SRSF10: variants seen among roughly 807,000 people sequenced by gnomAD.
SRSF10 encodes serine and arginine rich splicing factor 10.
SRSF10 carries 9 observed loss-of-function variants against 32.6 expected under a neutral mutation model. The observed-to-expected ratio is 0.28, with a 90% CI of 0.17 to 0.48. The LOEUF (loss-of-function observed/expected upper bound fraction) is 0.48, where lower values mean the gene tolerates loss of function less well. SRSF10 is among the 20% of genes least tolerant of loss of function. SRSF10 has a pLI of 0.99. For missense variants in SRSF10, 201 were observed against 331.8 expected (o/e 0.61, Z 3.06); for synonymous variants, 105 against 112.4 (o/e 0.93, Z 0.42).
intron 3 of SRSF10, among the ~76,000 whole-genome samples, chr1:23,972,970 C>T (rs1641863409): frequency 6.6e-6 from 1 of 151,958 alleles, no homozygotes; most frequent in African/African-American, 2.4e-5. Context: ...GAACTCCTGA[C>T]CTCAGGTGAT....
intron 2 of SRSF10, 99 bp downstream of exon 2, chr1:23,978,614 G>T: frequency 7.2e-7 from 1 of 1,398,560 alleles, no homozygotes; most frequent in South Asian, 1.8e-5. Context: ...ACATTTATTA[G>T]AGGACAAAAA....
chr1:23,971,709 TTAAAA>T, intron 4 of SRSF10, 83 bp from the exon 5 acceptor site: 3 of 1,540,394 alleles, frequency 1.9e-6, no homozygotes, highest in Non-Finnish European at 2.6e-6. Flanking sequence ...CATAAAACTT[TTAAAA>T]TAAAATGCTA....
intron 1 of SRSF10, 190 bp from the exon 2 acceptor site, chr1:23,979,007 C>T (rs1642247691): frequency 1.1e-5 from 3 of 280,418 alleles, no homozygotes; most frequent in Non-Finnish European, 2.0e-5. Flanking sequence ...TTATCTACAG[C>T]CGTCATTTTT....
chr1:23,968,079 G>A lies in SRSF10; in HGVS notation c.*3063C>T. ...TCATTGAGCCCAGTCATACACAGTAGGTAAACTCAGTAAGTGGGGGACTCA... is the reference window on the plus strand; with the variant it reads ...TCATTGAGCCCAGTCATACACAGTAAGTAAACTCAGTAAGTGGGGGACTCA... On this transcript the variant is annotated 3_prime_UTR_variant, in exon 6 of 6. Transcript: ENST00000492112. 1 of 1,473,798 alleles carries A rather than the reference G, an allele frequency of 6.8e-7. No homozygotes were observed. Among genetic ancestry groups the A allele is most frequent in the Non-Finnish European group, 9.0e-7 (1 of 1,114,928 alleles). The allele number at this position is 1,473,798 out of a possible 1,614,324, so 91.3% of individuals were successfully genotyped here. A position where few individuals can be genotyped will look rare whatever the true frequency, so the allele number is the denominator to read the frequency against.
At chr1:23,975,349 C>T (rs1363110309) in intron 2 of SRSF10, 2 of 321,848 alleles carry the variant, frequency 6.2e-6, no homozygotes, top group Non-Finnish European at 5.6e-6. Flanking sequence ...AGCTGAATCA[C>T]CAAGTTGTCC....
rs2148496874 is a variant in SRSF10, at chr1:23,969,819, C to G, written c.*1323G>C. 1 of 985,406 alleles carries G rather than the reference C, an allele frequency of 1.0e-6. No homozygotes were observed. Among genetic ancestry groups the G allele is most frequent in the Non-Finnish European group, 1.2e-6 (1 of 829,910 alleles). 61.0% of individuals were successfully genotyped at this position (985,406 alleles called of 1,614,324 possible). A position where few individuals can be genotyped will look rare whatever the true frequency, so the allele number is the denominator to read the frequency against. The stretch of plus-strand genomic sequence containing the variant: ...TGACTCTTGCTTAAAACTGACTAAT[C>G]CTTTTCCCCAAATTACCTTAAATTT... On this transcript the variant is annotated 3_prime_UTR_variant, in exon 6 of 6. Coordinates refer to ENST00000492112, the MANE Select transcript of SRSF10 (RefSeq NM_054016.4).
chr1:23,970,447 A>G lies in SRSF10; in HGVS notation c.*695T>C. The G allele has an allele frequency of 2.8e-6, 2 of 725,792 alleles. No individual in the cohort carries two copies. Among genetic ancestry groups the G allele is most frequent in the Non-Finnish European group, 3.3e-6 (2 of 599,826 alleles). 45.0% of individuals were successfully genotyped at this position (725,792 alleles called of 1,614,324 possible). ...GTGATTTTGGCTCACTGCAACTTCT[A>G]CCTCCCAGGTTCAAGCGATTCTCTT... On this transcript the variant is annotated 3_prime_UTR_variant, in exon 6 of 6. Coordinates refer to ENST00000492112, the MANE Select transcript of SRSF10 (RefSeq NM_054016.4).
At chr1:23,975,220 G>T in intron 2 of SRSF10, 143 bp from the exon 3 acceptor site, 1 of 696,510 alleles carries the variant, frequency 1.4e-6, no homozygotes. Context: ...TGGTGATTCA[G>T]TTGGATTCAG....
In SRSF10 at chr1:23,970,957, A is replaced by G; in HGVS notation, c.*185T>C. The G allele has an allele frequency of 1.5e-6, 2 of 1,341,956 alleles. No individual in the cohort carries two copies. The highest frequency in any genetic ancestry group is 3.3e-5 in the Admixed American group (1 of 29,966). 83.1% of individuals were successfully genotyped at this position (1,341,956 alleles called of 1,614,324 possible). A position where few individuals can be genotyped will look rare whatever the true frequency, so the allele number is the denominator to read the frequency against. Reference sequence around the variant, plus strand: ...TTGGTAGCTGCCCATAACATTAAACAAACTGGACTCTTAAGAGTGGCTTCT... The same window carrying G: ...TTGGTAGCTGCCCATAACATTAAACGAACTGGACTCTTAAGAGTGGCTTCT... On this transcript the variant is annotated 3_prime_UTR_variant, in exon 6 of 6. Coordinates refer to ENST00000492112, the MANE Select transcript of SRSF10 (RefSeq NM_054016.4).
rs4630071 is a variant in SRSF10 at position 23,965,107 on chromosome 1, G to C, written c.*6035C>G. ...TGACTAGCAGAATGTCTTGTAGATA[G>C]CAATAACCGAAGACAAACAGGTTGC... On this transcript the variant is annotated 3_prime_UTR_variant, in exon 6 of 6. Transcript: ENST00000492112. 150,516 of 152,102 alleles carry C rather than the reference G, an allele frequency of 0.99. 74,489 individuals are homozygous for C. Among genetic ancestry groups the C allele is most frequent in the East Asian group, 1 (5,186 of 5,186 alleles). The allele number at this position is 152,102 out of a possible 1,614,324, so 9.4% of individuals were successfully genotyped here. A position where few individuals can be genotyped will look rare whatever the true frequency, so the allele number is the denominator to read the frequency against.
At chr1:23,974,078 G>A (rs1641935138) in intron 3 of SRSF10, among the ~76,000 whole-genome samples, 2 of 150,398 alleles carry the variant, frequency 1.3e-5, no homozygotes, top group South Asian at 4.2e-4. Flanking sequence ...TGCAACCTCT[G>A]CCTGCCGGGT....
chr1:23,971,496 A>C, intron 5 of SRSF10, 57 bp from the exon 6 acceptor site: 1 of 1,588,438 alleles, frequency 6.3e-7, no homozygotes, highest in East Asian at 2.2e-5. Flanking sequence ...ATATTAATCA[A>C]ATTTGTTATT....
intron 3 of SRSF10, among the ~76,000 whole-genome samples, chr1:23,973,448 C>T (rs936660632): frequency 5.9e-5 from 9 of 152,262 alleles, no homozygotes; most frequent in South Asian, 2.1e-4. Flanking sequence ...TCCTGCCTAG[C>T]GGGGACCACA....
intron 3 of SRSF10, among the ~76,000 whole-genome samples, chr1:23,973,600 C>T (rs1003190882): frequency 1.2e-4 from 18 of 152,030 alleles, no homozygotes; most frequent in East Asian, 1.9e-4. Flanking sequence ...GGATTACAGG[C>T]GTGAGCTACC....
Position 23,964,538 on chromosome 1 carries a change from T to C in SRSF10, c.*6604A>G, listed in dbSNP as rs1570754395. Among the ~76,000 whole-genome samples, 1 of 152,004 alleles carries C rather than the reference T, an allele frequency of 6.6e-6. No homozygotes were observed. The highest frequency in any genetic ancestry group is 2.4e-5 in the African/African-American group (1 of 41,442). ...TTTGTCTTCTTTTCGATGGCAGTTA[T>C]ACTATGATGGAATCCAGGTCCAAAA... On this transcript the variant is annotated 3_prime_UTR_variant, in exon 6 of 6. Coordinates refer to ENST00000492112, the MANE Select transcript of SRSF10 (RefSeq NM_054016.4).
rs1290089251 is a variant in SRSF10 at position 23,965,442 on chromosome 1, C to T, written c.*5700G>A. 6 of 151,944 alleles carry T rather than the reference C, an allele frequency of 3.9e-5. No homozygotes were observed. Among genetic ancestry groups the T allele is most frequent in the African/African-American group, 1.4e-4 (6 of 41,428 alleles). The allele number at this position is 151,944 out of a possible 1,614,324, so 9.4% of individuals were successfully genotyped here. A position where few individuals can be genotyped will look rare whatever the true frequency, so the allele number is the denominator to read the frequency against. On this transcript the variant is annotated 3_prime_UTR_variant, in exon 6 of 6. Transcript: ENST00000492112. ...TAATCTCTCATCCAGGAACATTATC[C>T]ATTTACCTTGTAAGGTTGTGAGAAA...
chr1:23,978,961 A>T, intron 1 of SRSF10, 144 bp from the exon 2 acceptor site: 1 of 549,390 alleles, frequency 1.8e-6, no homozygotes, highest in East Asian at 3.1e-5. Flanking sequence ...AACAGCAGAC[A>T]TATGTATGGT....
chr1:23,978,623 A>T lies in SRSF10; in HGVS notation c.170+90T>A. The T allele has an allele frequency of 4.2e-6, 6 of 1,444,400 alleles. No individual in the cohort carries two copies. In the South Asian group the frequency reaches 8.1e-5, roughly 19 times the overall value. 89.5% of individuals were successfully genotyped at this position (1,444,400 alleles called of 1,614,324 possible). On this transcript the variant is annotated intron_variant, in intron 2 of 5. Coordinates refer to ENST00000492112, the MANE Select transcript of SRSF10 (RefSeq NM_054016.4). ...AGACAGACATTTATTAGAGGACAAA[A>T]AGAACTACTTTTTAGATGTTACCAC...
chr1:23,977,062 T>G (rs1465209860), intron 2 of SRSF10: 1 of 152,196 alleles, frequency 6.6e-6, no homozygotes, highest in Non-Finnish European at 1.5e-5. Context: ...ACTGCTACCT[T>G]TATTTACTAA....
Sources: gnomAD v4.1 joint callset for allele counts (sites outside exome capture counted in the v4.1 genomes callset) on GRCh38, gnomAD v4.1.1 for gene constraint, MANE v1.5 for transcripts, NCBI Gene and HGNC (gene_info 2026-07-23, HGNC 2026-07-21) for gene names.